CGGBP1: variants seen among roughly 807,000 people sequenced by gnomAD.
The protein encoded by CGGBP1 is CGG triplet repeat binding protein 1, also known as CGG triplet repeat-binding protein 1.
Under a neutral mutation model 11.4 loss-of-function variants are expected in CGGBP1, and 4 were observed. The observed-to-expected ratio is 0.35, with a 90% CI of 0.17 to 0.80. The LOEUF (loss-of-function observed/expected upper bound fraction) is 0.80. Among genes scored for constraint, CGGBP1 ranks in the 30% least tolerant of loss-of-function variants. The pLI is 0.52. For missense variants in CGGBP1, 135 were observed against 202.1 expected (o/e 0.67, Z 2.01); for synonymous variants, 76 against 74.1 (o/e 1.03, Z -0.13).
At chr3:88,140,924 A>G (rs1707089349) in intron 2 of CGGBP1, 1 of 1,613,618 alleles carries the variant, frequency 6.2e-7, no homozygotes, top group Non-Finnish European at 8.5e-7. Context: ...ACGTGTATAA[A>G]AAATCAGTGA....
intron 1 of CGGBP1, among the ~76,000 whole-genome samples, chr3:88,146,084 TGTA>T (rs1183736140): frequency 1.3e-5 from 2 of 152,196 alleles, no homozygotes; most frequent in East Asian, 3.9e-4. Context: ...ATCTGGTTGA[TGTA>T]GTGGTATCTT....
chr3:88,095,759 C>A, intron 2 of CGGBP1: 1 of 398,364 alleles, frequency 2.5e-6, no homozygotes, highest in South Asian at 1.9e-5. Flanking sequence ...CCTCCTTCAT[C>A]ATCTTAAACT....
intron 2 of CGGBP1, among the ~76,000 whole-genome samples, chr3:88,107,284 C>T (rs1704801747): frequency 6.6e-6 from 1 of 152,066 alleles, no homozygotes; most frequent in South Asian, 2.1e-4. Flanking sequence ...ATTTTTAAAG[C>T]CTAGATGAGA....
intron 2 of CGGBP1, among the ~76,000 whole-genome samples, chr3:88,126,579 C>CTTT (rs144091813): frequency 8.6e-5 from 7 of 81,768 alleles, no homozygotes; most frequent in East Asian, 4.0e-4. Context: ...GTAGAAACAT[C>CTTT]TTTTTTTTTT....
upstream of CGGBP1, among the ~76,000 whole-genome samples, chr3:88,059,922 C>A (rs1228153076): frequency 6.6e-6 from 1 of 152,048 alleles, no homozygotes; most frequent in Non-Finnish European, 1.5e-5. Flanking sequence ...GATTGCCCCC[C>A]GTGTTCTCCC....
chr3:88,143,234 T>C (rs976871247), intron 1 of CGGBP1: 2 of 152,226 alleles, frequency 1.3e-5, no homozygotes, highest in African/African-American at 4.8e-5. Context: ...GATTTTTTTT[T>C]AATTTCCCGG....
chr3:88,086,400 T>C, intron 2 of CGGBP1: 1 of 1,523,090 alleles, frequency 6.6e-7, no homozygotes, highest in Non-Finnish European at 8.8e-7. Flanking sequence ...GTAGCCTTGC[T>C]GTGTAAGTAC....
chr3:88,107,161 CTT>C (rs1292853342), intron 2 of CGGBP1, among the ~76,000 whole-genome samples: 3 of 152,120 alleles, frequency 2.0e-5, no homozygotes, highest in Non-Finnish European at 4.4e-5. Context: ...GAATTTAGCT[CTT>C]AACTTATTGA....
At chr3:88,080,103 G>T (rs1337529099) in intron 2 of CGGBP1, among the ~76,000 whole-genome samples, 1 of 151,866 alleles carries the variant, frequency 6.6e-6, no homozygotes, top group Non-Finnish European at 1.5e-5. Flanking sequence ...TCAGGTATCT[G>T]TTCAGGCATG....
At chr3:88,126,294 A>G in intron 2 of CGGBP1, 1 of 1,443,206 alleles carries the variant, frequency 6.9e-7, no homozygotes, top group South Asian at 1.5e-5. Context: ...TCAAAATCAA[A>G]CCAACATTTG....
intron 2 of CGGBP1, among the ~76,000 whole-genome samples, chr3:88,102,671 A>G (rs1396031038): frequency 6.6e-6 from 1 of 152,162 alleles, no homozygotes; most frequent in Non-Finnish European, 1.5e-5. Flanking sequence ...CCAGTGGTGC[A>G]CAGAAGGTCA....
intron 2 of CGGBP1, chr3:88,057,711 A>G (rs1349813740): frequency 6.6e-6 from 1 of 152,260 alleles, no homozygotes; most frequent in Non-Finnish European, 1.5e-5. Context: ...GATTTCAAAA[A>G]CAATAAGCAT....
At chr3:88,072,948 A>G (rs1194305227) in intron 2 of CGGBP1, among the ~76,000 whole-genome samples, 4 of 145,206 alleles carry the variant, frequency 2.8e-5, no homozygotes, top group African/African-American at 1.0e-4. Context: ...ATGAAATAGG[A>G]TTTGACTTGA....
intron 2 of CGGBP1, among the ~76,000 whole-genome samples, chr3:88,124,638 T>C (rs945370888): frequency 3.9e-5 from 6 of 152,222 alleles, no homozygotes; most frequent in African/African-American, 1.2e-4. Context: ...ATAAGTAACA[T>C]TTCTGAAAAT....
intron 2 of CGGBP1, among the ~76,000 whole-genome samples, chr3:88,123,869 C>T (rs143593175): frequency 1.3e-5 from 2 of 152,274 alleles, no homozygotes; most frequent in African/African-American, 2.4e-5. Context: ...TCGGGGCAGT[C>T]ATCTGTATGT....
chr3:88,139,335 G>C, intron 2 of CGGBP1: 1 of 1,606,548 alleles, frequency 6.2e-7, no homozygotes, highest in Non-Finnish European at 8.5e-7. Context: ...GGAATTTTTA[G>C]GTGGTCACAT....
chr3:88,089,116 C>T (rs374797151), intron 2 of CGGBP1, among the ~76,000 whole-genome samples: 28 of 150,218 alleles, frequency 1.9e-4, no homozygotes, highest in East Asian at 1.6e-3. Context: ...TTTGTGATGC[C>T]GGAAGGAATA....
intron 2 of CGGBP1, chr3:88,139,456 A>C: frequency 6.2e-7 from 1 of 1,613,840 alleles, no homozygotes. Flanking sequence ...AATCATGTTA[A>C]GAAGATACAG....
intron 2 of CGGBP1, among the ~76,000 whole-genome samples, chr3:88,078,275 C>T (rs2107637707): frequency 6.6e-6 from 1 of 152,276 alleles, no homozygotes; most frequent in East Asian, 1.9e-4. Flanking sequence ...AGACCCTCTG[C>T]TTTGCATAGA....
Sources: gnomAD v4.1 joint callset for allele counts (sites outside exome capture counted in the v4.1 genomes callset) on GRCh38, gnomAD v4.1.1 for gene constraint, MANE v1.5 for transcripts, NCBI Gene and HGNC (gene_info 2026-07-23, HGNC 2026-07-21) for gene names.